PDE3B: variants seen among roughly 807,000 people sequenced by gnomAD.
PDE3B encodes the protein phosphodiesterase 3B.
A neutral mutation model predicts 116.8 loss-of-function variants in PDE3B; 66 were observed. The observed-to-expected ratio is 0.56, with a 90% CI of 0.46 to 0.69. PDE3B has a LOEUF of 0.69. Ranked by LOEUF, PDE3B falls within the 30% of genes least tolerant of loss-of-function variation. The pLI is 0.00. For synonymous variants in PDE3B, 595 were observed against 533.6 expected, an observed-to-expected ratio of 1.12 and a Z score of -1.59; for missense variants, 1,384 against 1,368.1, an observed-to-expected ratio of 1.01 and a Z score of -0.18.
intron 1 of PDE3B, among the ~76,000 whole-genome samples, chr11:14,656,258 T>TTC (rs1401930301): frequency 1.7e-4 from 26 of 152,200 alleles, no homozygotes; most frequent in Non-Finnish European, 7.4e-5. Context: ...TTAATGCATG[T>TTC]TCCAGTTTTC....
chr11:14,827,820 A>G (rs182170439), intron 7 of PDE3B, among the ~76,000 whole-genome samples: 4 of 152,356 alleles, frequency 2.6e-5, no homozygotes, highest in Admixed American at 2.0e-4. Flanking sequence ...AGCTATTTTA[A>G]AATTCATATG....
intron 1 of PDE3B, among the ~76,000 whole-genome samples, chr11:14,722,519 G>C (rs1032468718): frequency 6.6e-6 from 1 of 152,180 alleles, no homozygotes; most frequent in Non-Finnish European, 1.5e-5. Flanking sequence ...AAGATTTGTT[G>C]AGTAGTATAG....
At chr11:14,703,490 T>G (rs1855433663) in intron 1 of PDE3B, among the ~76,000 whole-genome samples, 1 of 151,634 alleles carries the variant, frequency 6.6e-6, no homozygotes, top group Admixed American at 6.6e-5. Flanking sequence ...ATATCAAGGC[T>G]GCTGGGGTTA....
At chr11:14,812,585 G>A (rs1479886516) in intron 5 of PDE3B, among the ~76,000 whole-genome samples, 1 of 152,044 alleles carries the variant, frequency 6.6e-6, no homozygotes, top group Non-Finnish European at 1.5e-5. Flanking sequence ...AAAGAAAGAA[G>A]AAAACATGAC....
chr11:14,883,606 T>C, the PDE3B span, among the ~76,000 whole-genome samples: 5 of 152,166 alleles, frequency 3.3e-5, no homozygotes, highest in South Asian at 4.1e-4. Context: ...GGCATTACCA[T>C]TCAGGAGATA....
intron 1 of PDE3B, among the ~76,000 whole-genome samples, chr11:14,706,032 A>G (rs1855523071): frequency 6.6e-6 from 1 of 151,880 alleles, no homozygotes; most frequent in Non-Finnish European, 1.5e-5. Context: ...ACTGCTGAAC[A>G]AGAAAAGGAT....
At chr11:14,652,270 T>G (rs1259811196) in intron 1 of PDE3B, among the ~76,000 whole-genome samples, 1 of 152,174 alleles carries the variant, frequency 6.6e-6, no homozygotes, top group East Asian at 1.9e-4. Context: ...GTTGGCTTCT[T>G]TGTTGAAAAT....
chr11:14,653,296 A>G (rs1168730962), intron 1 of PDE3B, among the ~76,000 whole-genome samples: 1 of 152,222 alleles, frequency 6.6e-6, no homozygotes, highest in Non-Finnish European at 1.5e-5. Flanking sequence ...GGCAATGGTT[A>G]GAAGCAAATT....
At chr11:14,693,710 C>T (rs975453524) in intron 1 of PDE3B, among the ~76,000 whole-genome samples, 4 of 152,174 alleles carry the variant, frequency 2.6e-5, no homozygotes, top group African/African-American at 7.2e-5. Flanking sequence ...AGCTAGTCGT[C>T]GTCCAAGAGC....
chr11:14,866,677 C>A (rs534677701), intron 14 of PDE3B, among the ~76,000 whole-genome samples: 137 of 152,274 alleles, frequency 9.0e-4, no homozygotes, highest in Admixed American at 2.6e-3. Context: ...ACACTCCTTA[C>A]CTGCAGAATT....
At chr11:14,668,331 TTCTC>T (rs1854252020) in intron 1 of PDE3B, among the ~76,000 whole-genome samples, 1 of 152,154 alleles carries the variant, frequency 6.6e-6, no homozygotes, top group African/African-American at 2.4e-5. Flanking sequence ...ACTTGGTTCT[TTCTC>T]TCAAAATCCT....
At chr11:14,806,635 G>A (rs1403077892) in intron 5 of PDE3B, among the ~76,000 whole-genome samples, 30 of 151,546 alleles carry the variant, frequency 2.0e-4, no homozygotes, top group African/African-American at 6.5e-4. Context: ...CGAGGCGGGC[G>A]GATCACGAGG....
intron 1 of PDE3B, among the ~76,000 whole-genome samples, chr11:14,692,357 GT>G (rs1357501294): frequency 1.3e-5 from 2 of 152,022 alleles, no homozygotes; most frequent in African/African-American, 4.8e-5. Flanking sequence ...GACTGTTTTG[GT>G]GCAGTGCTCT....
intron 1 of PDE3B, among the ~76,000 whole-genome samples, chr11:14,663,769 G>A (rs1854021243): frequency 6.6e-6 from 1 of 152,134 alleles, no homozygotes; most frequent in Admixed American, 6.5e-5. Flanking sequence ...GATTCAGAAA[G>A]CAAGTCCTGA....
At chr11:14,895,307 G>A in the PDE3B span, among the ~76,000 whole-genome samples, 1 of 152,222 alleles carries the variant, frequency 6.6e-6, no homozygotes, top group African/African-American at 2.4e-5. Flanking sequence ...GCCAAGCTGA[G>A]CCATACTGGA....
intron 1 of PDE3B, among the ~76,000 whole-genome samples, chr11:14,681,466 C>G (rs987915987): frequency 6.6e-6 from 1 of 152,142 alleles, no homozygotes; most frequent in African/African-American, 2.4e-5. Flanking sequence ...TGTACAAATT[C>G]TCTCTTGCCA....
At chr11:14,781,987 C>T (rs894073709) in intron 2 of PDE3B, among the ~76,000 whole-genome samples, 1 of 152,170 alleles carries the variant, frequency 6.6e-6, no homozygotes, top group Non-Finnish European at 1.5e-5. Context: ...AAGCAATGTG[C>T]AGAAATCACA....
the PDE3B span, among the ~76,000 whole-genome samples, chr11:14,878,492 C>A: frequency 2.1e-3 from 316 of 152,190 alleles, no homozygotes; most frequent in African/African-American, 7.4e-3. Flanking sequence ...TCATTTACCT[C>A]CTTTTGTTAG....
chr11:14,863,717 G>A lies in PDE3B; in HGVS notation c.2886+2351G>A, dbSNP rs151165922. 6.4e-3 allele frequency among the ~76,000 whole-genome samples: 975 copies of A among 152,248 alleles called. 7 individuals carry two copies. Among genetic ancestry groups the A allele is most frequent in the African/African-American group, 0.021 (888 of 41,536 alleles). ...TCCAGCCAAATTAAGCTTCATAAGC[G>A]AAAGAGAAATAAAATCCTTTACACG... is the stretch of plus-strand genomic sequence containing the variant. On this transcript the variant is annotated intron_variant, in intron 14 of 15. Transcript: ENST00000282096.
Sources: gnomAD v4.1 joint callset for allele counts (sites outside exome capture counted in the v4.1 genomes callset) on GRCh38, gnomAD v4.1.1 for gene constraint, MANE v1.5 for transcripts, NCBI Gene and HGNC (gene_info 2026-07-23, HGNC 2026-07-21) for gene names.